The following SLC5A3 variants were observed in gnomAD, a reference collection of about 807,000 sequenced individuals.
The protein encoded by SLC5A3 is solute carrier family 5 member 3.
Under a neutral mutation model 43.2 loss-of-function variants are expected in SLC5A3, and 10 were observed. That is an observed-to-expected ratio of 0.23 (90% confidence interval 0.14 to 0.39). The LOEUF is 0.39. Among genes scored for constraint, SLC5A3 ranks in the 10% least tolerant of loss-of-function variants. The probability of loss-of-function intolerance (pLI) is 1.00; values close to 1 mark genes in which losing one functional copy is unlikely to be tolerated. For synonymous variants in SLC5A3, 349 were observed against 322.0 expected (o/e 1.08, Z -0.90); for missense variants, 608 against 893.4 (o/e 0.68, Z 4.07).
At chr21:34,078,782 A>ACGGAAACATC (rs1989392323) in intron 1 of SLC5A3, among the ~76,000 whole-genome samples, 1 of 152,228 alleles carries the variant, frequency 6.6e-6, no homozygotes, top group Non-Finnish European at 1.5e-5. Context: ...AAATGATAAA[A>ACGGAAACATC]TACTGTGTGA....
At chr21:34,084,565 A>G (rs955692969) in intron 1 of SLC5A3, among the ~76,000 whole-genome samples, 1 of 152,202 alleles carries the variant, frequency 6.6e-6, no homozygotes, top group Non-Finnish European at 1.5e-5. Context: ...GGATATATAT[A>G]CACACCTACA....
Position 34,097,954 on chromosome 21 carries a change from A to G in SLC5A3, c.*599A>G, listed in dbSNP as rs1979049745. 1.9e-5 allele frequency: 19 copies of G among 995,340 alleles called. No individual in the cohort carries two copies. Among genetic ancestry groups the G allele is most frequent in the East Asian group, 1.1e-4 (1 of 8,794 alleles). 61.7% of individuals were successfully genotyped at this position (995,340 alleles called of 1,614,324 possible). A position where few individuals can be genotyped will look rare whatever the true frequency, so the allele number is the denominator to read the frequency against. On this transcript the variant is annotated 3_prime_UTR_variant, in exon 2 of 2. Coordinates refer to ENST00000381151, the MANE Select transcript of SLC5A3 (RefSeq NM_006933.7). ...TTCCTGTAGGTATTTTTGTACCACC[A>G]GTATATGGAATGTTAGGGAAAAACT...
At chr21:34,075,307 A>C (rs1989301239) in intron 1 of SLC5A3, among the ~76,000 whole-genome samples, 1 of 152,214 alleles carries the variant, frequency 6.6e-6, no homozygotes. Context: ...AACCCTTTGA[A>C]ACCTTTGAAA....
In SLC5A3 at chr21:34,103,106, A is replaced by G; in HGVS notation, c.*5751A>G. The stretch of plus-strand genomic sequence containing the variant: ...TTTGTTGTTATAATTGGAAACAGAA[A>G]CGAGGCTTATTGCTATTGCAGAAAT... On this transcript the variant is annotated 3_prime_UTR_variant, in exon 2 of 2. Transcript: ENST00000381151. 1.0e-6 allele frequency: 1 copy of G among 1,000,136 alleles called. No individual in the cohort carries two copies. 62.0% of individuals were successfully genotyped at this position (1,000,136 alleles called of 1,614,324 possible).
rs141933184 is a variant in SLC5A3, at chr21:34,096,910, G to A, written c.1712G>A (p.Ser571Asn). 271 of 1,614,128 alleles carry A rather than the reference G, an allele frequency of 1.7e-4. No homozygotes were observed. The highest frequency in any genetic ancestry group is 1.1e-3 in the Admixed American group (69 of 60,010). Reference sequence around the variant, plus strand: ...GAACCATACAAAATGCAAGAAAAGAGCATTCTGAGATGCAGTGAGAATAAT... The same window carrying A: ...GAACCATACAAAATGCAAGAAAAGAACATTCTGAGATGCAGTGAGAATAAT... ...KEEPYKMQEKSILRCSENNET... is the reference protein window; with the variant it reads ...KEEPYKMQEKNILRCSENNET... The change falls in exon 2 of 2, where the codon AGC (serine) becomes AAC (asparagine). Residue 571 changes from serine to asparagine, a missense_variant. Transcript: ENST00000381151. The surrounding 1 kb of genome is among the most constrained non-coding windows in gnomAD (Gnocchi z 5.9).
In SLC5A3 at chr21:34,085,600, C is replaced by CTT. The variant is rs56135810; in HGVS notation, c.-336-9246_-336-9245dup. Among the ~76,000 whole-genome samples, 431 of 130,218 alleles carry CTT rather than the reference C, an allele frequency of 3.3e-3. 3 individuals are homozygous for CTT. The highest frequency in any genetic ancestry group is 8.1e-3 in the African/African-American group (279 of 34,568). The allele number at this position is 130,218 out of a possible 152,430, so 85.4% of individuals were successfully genotyped here. On this transcript the variant is annotated intron_variant, in intron 1 of 1. Transcript: ENST00000381151. ...GTAATTAGTGTATAAGAAATAAGGA[C>CTT]TTTTTTTTTTTTTTTTTTGAGACTG...
intron 1 of SLC5A3, among the ~76,000 whole-genome samples, chr21:34,075,873 C>G (rs1000964728): frequency 2.0e-4 from 30 of 152,146 alleles, no homozygotes; most frequent in Non-Finnish European, 2.2e-4. Context: ...AAAGTTAACT[C>G]TAGGCTTATG....
chr21:34,075,238 G>T (rs1045592764), intron 1 of SLC5A3, among the ~76,000 whole-genome samples: 4 of 152,314 alleles, frequency 2.6e-5, no homozygotes, highest in African/African-American at 7.2e-5. Flanking sequence ...TTGTCTTGGG[G>T]AGGTAGCAGG....
Position 34,102,500 on chromosome 21 carries a change from G to A in SLC5A3, c.*5145G>A. ...ATTGGCATATATAGTCTTTCACTCA[G>A]AAATAAACAAAAACTGTTTGGTATA... On this transcript the variant is annotated 3_prime_UTR_variant, in exon 2 of 2. Coordinates refer to ENST00000381151, the MANE Select transcript of SLC5A3 (RefSeq NM_006933.7). 1 of 1,000,114 alleles carries A rather than the reference G, an allele frequency of 1.0e-6. No individual in the cohort carries two copies. Among genetic ancestry groups the A allele is most frequent in the Non-Finnish European group, 1.2e-6 (1 of 829,890 alleles). 62.0% of individuals were successfully genotyped at this position (1,000,114 alleles called of 1,614,324 possible). A position where few individuals can be genotyped will look rare whatever the true frequency, so the allele number is the denominator to read the frequency against.
At chr21:34,091,535 A>G (rs1436156886) in intron 1 of SLC5A3, among the ~76,000 whole-genome samples, 1 of 152,174 alleles carries the variant, frequency 6.6e-6, no homozygotes, top group African/African-American at 2.4e-5. Context: ...AGGAGTGCTT[A>G]TTTAAATTTG....
At position 34,099,707 on chromosome 21, in the gene SLC5A3, A is replaced by T. The variant is rs1225006771; in HGVS notation, c.*2352A>T. 31 of 998,118 alleles carry T rather than the reference A, an allele frequency of 3.1e-5. No homozygotes were observed. The highest frequency in any genetic ancestry group is 6.2e-5 in the Admixed American group (1 of 16,256). The allele number at this position is 998,118 out of a possible 1,614,324, so 61.8% of individuals were successfully genotyped here. A position where few individuals can be genotyped will look rare whatever the true frequency, so the allele number is the denominator to read the frequency against. On this transcript the variant is annotated 3_prime_UTR_variant, in exon 2 of 2. Coordinates refer to ENST00000381151, the MANE Select transcript of SLC5A3 (RefSeq NM_006933.7). ...TGTCTTAGTAAGATACATAAGGTACATCATCTTGTGTCTGTGTGTATATAG... is the reference window on the plus strand; with the variant it reads ...TGTCTTAGTAAGATACATAAGGTACTTCATCTTGTGTCTGTGTGTATATAG...
chr21:34,075,907 T>C (rs1989319118), intron 1 of SLC5A3, among the ~76,000 whole-genome samples: 1 of 152,220 alleles, frequency 6.6e-6, no homozygotes, highest in Admixed American at 6.5e-5. Flanking sequence ...GACTGTGAGC[T>C]TGCACACCGG....
intron 1 of SLC5A3, among the ~76,000 whole-genome samples, chr21:34,090,660 A>AT (rs1978639144): frequency 1.3e-5 from 2 of 152,324 alleles, no homozygotes; most frequent in African/African-American, 4.8e-5. Context: ...GTAAACTGAC[A>AT]TTTACTGAGC....
rs1009653144 is a variant in SLC5A3, at chr21:34,098,370, C to G, written c.*1015C>G. ...CGCTGCCTTTGTGTGCTGGATTGCT[C>G]TACTTGATTAGATCATGATATATCA... On this transcript the variant is annotated 3_prime_UTR_variant, in exon 2 of 2. Coordinates refer to ENST00000381151, the MANE Select transcript of SLC5A3 (RefSeq NM_006933.7). 2 of 1,000,220 alleles carry G rather than the reference C, an allele frequency of 2.0e-6. No homozygotes were observed. The highest frequency in any genetic ancestry group is 2.4e-6 in the Non-Finnish European group (2 of 829,978). 62.0% of individuals were successfully genotyped at this position (1,000,220 alleles called of 1,614,324 possible).
chr21:34,092,262 A>T (rs1416494204), intron 1 of SLC5A3, among the ~76,000 whole-genome samples: 1 of 152,188 alleles, frequency 6.6e-6, no homozygotes, highest in African/African-American at 2.4e-5. Context: ...AGTATTTTAT[A>T]TATTTCTACA....
chr21:34,077,561 AAGAT>A (rs1989362340), intron 1 of SLC5A3, among the ~76,000 whole-genome samples: 2 of 152,354 alleles, frequency 1.3e-5, no homozygotes, highest in East Asian at 1.9e-4. Flanking sequence ...CATGTACAAT[AAGAT>A]AGCATTTATA....
chr21:34,074,923 G>C (rs550209438), intron 1 of SLC5A3, among the ~76,000 whole-genome samples: 1 of 152,330 alleles, frequency 6.6e-6, no homozygotes, highest in Admixed American at 6.5e-5. Flanking sequence ...AGGGACGCCA[G>C]TGCCTCTCTA....
chr21:34,090,888 A>G (rs1409508880), intron 1 of SLC5A3, among the ~76,000 whole-genome samples: 4 of 152,186 alleles, frequency 2.6e-5, no homozygotes, highest in African/African-American at 9.7e-5. Context: ...CGTGCCACCT[A>G]CATAGATGTG....
rs1979358736 is a variant in SLC5A3, at chr21:34,103,887, A to T, written c.*6532A>T. ...TTTGAGGGCTTTTTACTGCAACTTGAAACTGGAGAAATAGGGACAGATGTC... is the reference window on the plus strand; with the variant it reads ...TTTGAGGGCTTTTTACTGCAACTTGTAACTGGAGAAATAGGGACAGATGTC... On this transcript the variant is annotated 3_prime_UTR_variant, in exon 2 of 2. Coordinates refer to ENST00000381151, the MANE Select transcript of SLC5A3 (RefSeq NM_006933.7). 7 of 1,000,028 alleles carry T rather than the reference A, an allele frequency of 7.0e-6. No individual in the cohort carries two copies. In the South Asian group the frequency reaches 2.8e-4, roughly 40 times the overall value. The allele number at this position is 1,000,028 out of a possible 1,614,324, so 61.9% of individuals were successfully genotyped here.
Sources: allele counts gnomAD v4.1 joint callset (sites outside exome capture counted in the v4.1 genomes callset), GRCh38; gene constraint gnomAD v4.1.1; non-coding constraint Gnocchi (gnomAD v3.1); transcripts MANE v1.5; gene names NCBI Gene and HGNC (gene_info 2026-07-23, HGNC 2026-07-21).